NR1D2: variants seen among roughly 807,000 people sequenced by gnomAD.
NR1D2 encodes nuclear receptor subfamily 1 group D member 2, also known as V-erbA-related protein 1-related.
In NR1D2, 25 loss-of-function variants were observed where a neutral mutation model predicts 52.2. The ratio of observed to expected loss-of-function variants is 0.48; its 90% CI spans 0.35 to 0.67. The LOEUF is 0.67. Ranked by LOEUF, NR1D2 falls within the 30% of genes least tolerant of loss-of-function variation. The pLI is 0.01. For missense variants in NR1D2, 681 were observed against 707.2 expected (o/e 0.96, Z 0.42); for synonymous variants, 259 against 230.1 (o/e 1.13, Z -1.14).
intron 1 of NR1D2, among the ~76,000 whole-genome samples, 167 bp from the exon 2 acceptor site, chr3:23,954,370 G>A (rs1225009486): frequency 6.6e-6 from 1 of 152,136 alleles, no homozygotes; most frequent in Non-Finnish European, 1.5e-5. Context: ...GAAGCAGGAC[G>A]AATAATGGGA....
intron 7 of NR1D2, among the ~76,000 whole-genome samples, chr3:23,968,898 T>G (rs1484887353): frequency 6.6e-6 from 1 of 152,208 alleles, no homozygotes; most frequent in East Asian, 1.9e-4. Context: ...TGCTTCCTAC[T>G]GTGTAAAGGG....
intron 7 of NR1D2, among the ~76,000 whole-genome samples, chr3:23,972,844 C>G (rs1411006105): frequency 6.6e-6 from 1 of 152,122 alleles, no homozygotes; most frequent in East Asian, 1.9e-4. Context: ...ACCTTAGGTT[C>G]TTTGGCCTTG....
intron 6 of NR1D2, among the ~76,000 whole-genome samples, chr3:23,965,672 G>A (rs1706423893): frequency 6.6e-6 from 1 of 151,594 alleles, no homozygotes; most frequent in Non-Finnish European, 1.5e-5. Context: ...AATTGTTTAG[G>A]ATTTTATATA....
chr3:23,956,555 G>T (rs1189163105), intron 3 of NR1D2, among the ~76,000 whole-genome samples: 1 of 152,002 alleles, frequency 6.6e-6, no homozygotes, highest in Non-Finnish European at 1.5e-5. Flanking sequence ...GACACGTCAG[G>T]TACTGGGAGC....
intron 1 of NR1D2, 54 bp from the exon 2 acceptor site, chr3:23,954,483 A>G: frequency 6.7e-7 from 1 of 1,493,346 alleles, no homozygotes; most frequent in East Asian, 2.3e-5. Flanking sequence ...TTGCAAAAAT[A>G]AAAAATACGT....
chr3:23,971,605 T>G (rs1471712154), intron 7 of NR1D2, among the ~76,000 whole-genome samples: 3 of 152,178 alleles, frequency 2.0e-5, no homozygotes, highest in African/African-American at 7.2e-5. Context: ...AACTTATAAA[T>G]AAAAGTATCC....
chr3:23,951,871 G>A (rs1462716381), intron 1 of NR1D2, among the ~76,000 whole-genome samples: 1 of 152,162 alleles, frequency 6.6e-6, no homozygotes, highest in East Asian at 1.9e-4. Context: ...AATTTCTCTG[G>A]GTGATGAAAA....
At chr3:23,952,894 T>C (rs1360859683) in intron 1 of NR1D2, among the ~76,000 whole-genome samples, 2 of 152,078 alleles carry the variant, frequency 1.3e-5, no homozygotes, top group South Asian at 2.1e-4. Context: ...TAATTGGTGC[T>C]TAAAAACACA....
Position 23,967,926 on chromosome 3 carries a change from G to A in NR1D2, c.1446G>A (p.Leu482=). 6.2e-7 allele frequency: 1 copy of A among 1,614,022 alleles called. No individual in the cohort carries two copies. Among genetic ancestry groups the A allele is most frequent in the Non-Finnish European group, 8.5e-7 (1 of 1,179,922 alleles). The change falls in exon 7 of 8, where the codon CTG becomes CTA. Residue 482 remains leucine (L), a synonymous_variant. Coordinates refer to ENST00000312521, the MANE Select transcript of NR1D2 (RefSeq NM_005126.5). ...TACACTCAATGGGAGCAGGGGATCT[G>A]CTAAACTCTATGTTTGAATTTAGTG... ...DDLHSMGAGD[L]LNSMFEFSEK...
intron 1 of NR1D2, among the ~76,000 whole-genome samples, chr3:23,953,524 A>C (rs1221626084): frequency 6.6e-6 from 1 of 152,184 alleles, no homozygotes; most frequent in African/African-American, 2.4e-5. Flanking sequence ...AGAGCGAGTC[A>C]GAAGAACAAG....
At chr3:23,967,070 A>G (rs1439962464) in intron 6 of NR1D2, among the ~76,000 whole-genome samples, 1 of 152,118 alleles carries the variant, frequency 6.6e-6, no homozygotes, top group Non-Finnish European at 1.5e-5. Context: ...TCATGCCTGT[A>G]ATTCTAGCAC....
At chr3:23,959,589 C>A in intron 3 of NR1D2, 82 bp from the exon 4 acceptor site, 1 of 1,350,520 alleles carries the variant, frequency 7.4e-7, no homozygotes, top group Non-Finnish European at 1.0e-6. Context: ...GTCATATACA[C>A]TAGATAGGTA....
Position 23,959,830 on chromosome 3 carries a change from T to A in NR1D2, c.517+15T>A. 1 of 1,607,704 alleles carries A rather than the reference T, an allele frequency of 6.2e-7. No homozygotes were observed. The highest frequency in any genetic ancestry group is 2.2e-5 in the East Asian group (1 of 44,802). ...GTCAAGAGATGGTATGTTCCCAGTT[T>A]AAAGAGTGTTCCTAAAGTGTATGGA... On this transcript the variant is annotated intron_variant, in intron 4 of 7. Coordinates refer to ENST00000312521, the MANE Select transcript of NR1D2 (RefSeq NM_005126.5).
rs377215645 is a variant in NR1D2, at chr3:23,956,700, G to A, written c.372+575G>A. On this transcript the variant is annotated intron_variant, in intron 3 of 7. Transcript: ENST00000312521. ...TGTAAGTTTAGTTGACTATTTTCTA[G>A]TTATTGCTATTAGAGTATTGGTCAA... Among the ~76,000 whole-genome samples, 5 of 152,290 alleles carry A rather than the reference G, an allele frequency of 3.3e-5. No homozygotes were observed. The East Asian group carries it at 7.7e-4, about 23-fold the overall frequency.
intron 7 of NR1D2, among the ~76,000 whole-genome samples, chr3:23,970,232 C>T (rs1350269622): frequency 1.3e-5 from 2 of 152,034 alleles, no homozygotes; most frequent in Non-Finnish European, 2.9e-5. Flanking sequence ...GTGGGGTGAA[C>T]TCTTCTAAAA....
At chr3:23,946,999 TTTTA>T (rs1291355715) in intron 1 of NR1D2, among the ~76,000 whole-genome samples, 1 of 152,232 alleles carries the variant, frequency 6.6e-6, no homozygotes, top group Admixed American at 6.5e-5. Flanking sequence ...CACTTTCTAA[TTTTA>T]TTTACGTATT....
At chr3:23,976,544 G>A (rs1310190843) in intron 7 of NR1D2, among the ~76,000 whole-genome samples, 2 of 152,232 alleles carry the variant, frequency 1.3e-5, no homozygotes, top group Non-Finnish European at 2.9e-5. Flanking sequence ...CTTGCTGACT[G>A]TTGGCTAGAG....
chr3:23,974,523 A>G (rs569102896), intron 7 of NR1D2, among the ~76,000 whole-genome samples: 1 of 152,272 alleles, frequency 6.6e-6, no homozygotes, highest in South Asian at 2.1e-4. Flanking sequence ...AGCTCCTTAA[A>G]GGCATTCTTG....
chr3:23,955,393 A>C (rs1016268134), intron 2 of NR1D2, among the ~76,000 whole-genome samples: 1 of 152,224 alleles, frequency 6.6e-6, no homozygotes, highest in East Asian at 1.9e-4. Context: ...AAGTAACTCT[A>C]AATTTACAAA....
Sources: allele counts gnomAD v4.1 joint callset (sites outside exome capture counted in the v4.1 genomes callset), GRCh38; gene constraint gnomAD v4.1.1; transcripts MANE v1.5; gene names NCBI Gene and HGNC (gene_info 2026-07-23, HGNC 2026-07-21).